Variants in CXADR observed in about 807,000 individuals in gnomAD.
CXADR encodes the protein CXADR cell adhesion molecule.
CXADR carries 20 observed loss-of-function variants against 40.3 expected under a neutral mutation model. The ratio of observed to expected loss-of-function variants is 0.50; its 90% CI spans 0.35 to 0.72. CXADR has a LOEUF of 0.72. Among genes scored for constraint, CXADR ranks in the 30% least tolerant of loss-of-function variants. The pLI, the probability that CXADR is intolerant of heterozygous loss-of-function variation, is 0.01. For missense variants in CXADR, 332 were observed against 449.1 expected (o/e 0.74, Z 2.36); for synonymous variants, 150 against 161.3 (o/e 0.93, Z 0.53).
At chr21:17,600,675 G>C in the CXADR span, among the ~76,000 whole-genome samples, 3 of 151,166 alleles carry the variant, frequency 2.0e-5, no homozygotes, top group Non-Finnish European at 2.9e-5. Flanking sequence ...AAAAAAACAA[G>C]AACAAAAAAT....
chr21:17,560,719 A>AT lies in CXADR; in HGVS notation c.590dup (p.Ser198IlefsTer8). 6.2e-7 allele frequency: 1 copy of AT among 1,612,992 alleles called. No individual in the cohort carries two copies. The highest frequency in any genetic ancestry group is 8.5e-7 in the Non-Finnish European group (1 of 1,179,664). On this transcript the variant is annotated frameshift_variant, in exon 5 of 7. Transcript: ENST00000284878. LOFTEE classifies it high-confidence loss of function. The stretch of plus-strand genomic sequence containing the variant: ...TTCCATAGAAATGACTTCATCTGTT[A>AT]TATCTGTAAAAAATGCCTCTTCTGA...
chr21:17,580,896 A>G lies in CXADR; in HGVS notation c.1018-12256A>G, dbSNP rs1008859930. ...CTCCCAAGTGACTGTAACTATGGGCACGCACCAGTACACCTGGCCAATCTT... is the reference window on the plus strand; with the variant it reads ...CTCCCAAGTGACTGTAACTATGGGCGCGCACCAGTACACCTGGCCAATCTT... On this transcript the variant is annotated intron_variant, in intron 7 of 7. Coordinates refer to the CXADR transcript ENST00000400169. Among the ~76,000 whole-genome samples the G allele has an allele frequency of 2.6e-5, 4 of 152,070 alleles. No homozygotes were observed. The East Asian group carries it at 7.7e-4, about 29-fold the overall frequency.
At chr21:17,588,581 G>T (rs2061413894) in intron 7 of CXADR, among the ~76,000 whole-genome samples, 1 of 151,950 alleles carries the variant, frequency 6.6e-6, no homozygotes, top group Non-Finnish European at 1.5e-5. Context: ...TTGATTAGTG[G>T]ATTCTTCATC....
At chr21:17,560,915 A>G in intron 5 of CXADR, 91 bp downstream of exon 5, 1 of 1,529,750 alleles carries the variant, frequency 6.5e-7, no homozygotes, top group Non-Finnish European at 8.8e-7. Flanking sequence ...TTAAGGACAA[A>G]GGGACACTGA....
intron 1 of CXADR, among the ~76,000 whole-genome samples, chr21:17,513,790 A>C (rs1327202274): frequency 6.6e-6 from 1 of 152,154 alleles, no homozygotes; most frequent in African/African-American, 2.4e-5. Context: ...TGTGAAGGAG[A>C]CCGTGGAAAA....
At chr21:17,594,485 CAT>C (rs1318961955), downstream of CXADR, among the ~76,000 whole-genome samples, 5 of 152,056 alleles carry the variant, frequency 3.3e-5, no homozygotes, top group African/African-American at 4.8e-5. Context: ...TTAAAAACCT[CAT>C]GTGTAATAGG....
rs1294572288 is a variant in CXADR, at chr21:17,569,639, A to T, written c.*3947A>T. On this transcript the variant is annotated 3_prime_UTR_variant, in exon 7 of 7. Coordinates refer to ENST00000284878, the MANE Select transcript of CXADR (RefSeq NM_001338.5). ...GTTTATTTATCTTTAGGGAAGGCTG[A>T]TCATTTATCTTATAGCAGATAACCC... 6.1e-6 allele frequency: 6 copies of T among 982,110 alleles called. No individual in the cohort carries two copies. The highest frequency in any genetic ancestry group is 1.8e-5 in the African/African-American group (1 of 57,136). The allele number at this position is 982,110 out of a possible 1,614,324, so 60.8% of individuals were successfully genotyped here.
intron 7 of CXADR, among the ~76,000 whole-genome samples, chr21:17,577,090 AC>A (rs1325226635): frequency 6.6e-6 from 1 of 151,838 alleles, no homozygotes. Flanking sequence ...ATATCAAAAT[AC>A]CTGCCAGTAA....
chr21:17,596,490 G>A (rs116666516), downstream of CXADR, among the ~76,000 whole-genome samples: 425 of 151,698 alleles, frequency 2.8e-3, 3 homozygotes, highest in African/African-American at 9.9e-3. Flanking sequence ...AGTTAGGTTC[G>A]TTTTTTTTCC....
intron 7 of CXADR, among the ~76,000 whole-genome samples, chr21:17,580,819 T>C (rs374985577): frequency 1.3e-5 from 2 of 152,114 alleles, no homozygotes; most frequent in East Asian, 3.9e-4. Flanking sequence ...GGGGTGATCA[T>C]GGCTCACTGC....
chr21:17,606,936 C>G, the CXADR span, among the ~76,000 whole-genome samples: 1 of 152,108 alleles, frequency 6.6e-6, no homozygotes, highest in Non-Finnish European at 1.5e-5. Flanking sequence ...GATAATATTG[C>G]CAAATTGCTC....
chr21:17,535,142 T>A (rs2060738383), intron 1 of CXADR, among the ~76,000 whole-genome samples: 1 of 152,070 alleles, frequency 6.6e-6, no homozygotes. Flanking sequence ...TGAGTGTGTG[T>A]TTTGACACAG....
intron 7 of CXADR, among the ~76,000 whole-genome samples, chr21:17,587,002 C>T (rs1297252215): frequency 6.6e-6 from 1 of 151,992 alleles, no homozygotes; most frequent in Non-Finnish European, 1.5e-5. Context: ...GGTTTTTTGT[C>T]CTTGCAGTAG....
chr21:17,618,900 A>G, the CXADR span, among the ~76,000 whole-genome samples: 1 of 152,228 alleles, frequency 6.6e-6, no homozygotes, highest in East Asian at 1.9e-4. Context: ...TGGGCTGCAC[A>G]ATAGATGTTG....
At chr21:17,600,777 C>T in the CXADR span, among the ~76,000 whole-genome samples, 1 of 152,218 alleles carries the variant, frequency 6.6e-6, no homozygotes, top group Non-Finnish European at 1.5e-5. Flanking sequence ...GCTATGCTGT[C>T]TTCCATTCCT....
chr21:17,590,519 T>C (rs1434621687), intron 7 of CXADR, among the ~76,000 whole-genome samples: 1 of 151,970 alleles, frequency 6.6e-6, no homozygotes, highest in African/African-American at 2.4e-5. Context: ...TAAAGAGGAA[T>C]TGCATGAGCC....
the CXADR span, among the ~76,000 whole-genome samples, chr21:17,609,706 CT>C: frequency 6.6e-6 from 1 of 152,146 alleles, no homozygotes; most frequent in Non-Finnish European, 1.5e-5. Flanking sequence ...ACACCAAAAC[CT>C]TGTACAGAAA....
chr21:17,560,778 CAG>C lies in CXADR; in HGVS notation c.651_652del (p.Arg217SerfsTer4). 2.5e-6 allele frequency: 4 copies of C among 1,614,002 alleles called. No individual in the cohort carries two copies. Among genetic ancestry groups the C allele is most frequent in the South Asian group, 2.2e-5 (2 of 91,080 alleles). ...SGTYSCTVRN[R>X]VGSDQCLLRL... is the part of the protein sequence containing the mutation. ...GGACATACAGCTGTACAGTCAGAAACAGAGTGGGCTCTGATCAGTGCCTGTTG... is the reference window on the plus strand; with the variant it reads ...GGACATACAGCTGTACAGTCAGAAACAGTGGGCTCTGATCAGTGCCTGTTG... On this transcript the variant is annotated frameshift_variant, in exon 5 of 7. Transcript: ENST00000284878. LOFTEE classifies it high-confidence loss of function.
chr21:17,539,138 G>A lies in CXADR; in HGVS notation c.44-7889G>A, dbSNP rs551671815. Among the ~76,000 whole-genome samples, 52 of 152,266 alleles carry A rather than the reference G, an allele frequency of 3.4e-4. 2 individuals are homozygous for A. In the South Asian group the frequency reaches 0.01, roughly 30 times the overall value. ...CAGGGATTGATTGCCAAAAGTGTTG[G>A]TAGTAGGTCACGTCACTGAGATAAG... On this transcript the variant is annotated intron_variant, in intron 1 of 6. Transcript: ENST00000284878.
Sources: allele counts gnomAD v4.1 joint callset (sites outside exome capture counted in the v4.1 genomes callset), GRCh38; gene constraint gnomAD v4.1.1; transcripts MANE v1.5; gene names NCBI Gene and HGNC (gene_info 2026-07-23, HGNC 2026-07-21).